PLSCR2: variants seen among roughly 807,000 people sequenced by gnomAD.
PLSCR2 encodes the protein phospholipid scramblase 2, also known as PL scramblase 2.
PLSCR2 carries 18 observed loss-of-function variants against 25.3 expected under a neutral mutation model. The observed-to-expected ratio is 0.71, with a 90% CI of 0.49 to 1.06. The LOEUF is 1.06. Among genes scored for constraint, PLSCR2 ranks in the 50% least tolerant of loss-of-function variants. The pLI is 0.00. For missense variants in PLSCR2, 243 were observed against 269.5 expected (o/e 0.90, Z 0.69); for synonymous variants, 88 against 87.3 (o/e 1.01, Z -0.04).
chr3:146,447,991 A>G (rs969440147), intron 6 of PLSCR2, among the ~76,000 whole-genome samples: 1 of 152,134 alleles, frequency 6.6e-6, no homozygotes, highest in Admixed American at 6.5e-5. Context: ...AAGTCCCACA[A>G]TCACTGTGTT....
chr3:146,453,340 T>A (rs2041009132), intron 5 of PLSCR2, among the ~76,000 whole-genome samples: 1 of 152,086 alleles, frequency 6.6e-6, no homozygotes, highest in African/African-American at 2.4e-5. Flanking sequence ...GAAATCAAGA[T>A]TAAGTTATAA....
chr3:146,477,302 C>A (rs1194317152), intron 1 of PLSCR2, among the ~76,000 whole-genome samples: 1 of 152,174 alleles, frequency 6.6e-6, no homozygotes, highest in East Asian at 1.9e-4. Flanking sequence ...CTGGGAAGTG[C>A]AAAGGGTGGG....
chr3:146,435,041 T>G (rs2039759829), intron 8 of PLSCR2, among the ~76,000 whole-genome samples: 1 of 151,546 alleles, frequency 6.6e-6, no homozygotes, highest in Non-Finnish European at 1.5e-5. Context: ...CTGTCCTTGC[T>G]ATAGTTTACT....
chr3:146,467,531 C>T (rs910585269), intron 1 of PLSCR2, among the ~76,000 whole-genome samples: 4 of 151,900 alleles, frequency 2.6e-5, no homozygotes, highest in Admixed American at 2.0e-4. Flanking sequence ...AGGCACTGTA[C>T]AGGCACTAAA....
intron 1 of PLSCR2, among the ~76,000 whole-genome samples, chr3:146,483,425 CTTA>C (rs1560054502): frequency 1.1e-4 from 11 of 100,690 alleles, no homozygotes; most frequent in African/African-American, 4.1e-4. Context: ...AGAACTTAAA[CTTA>C]ATATATATAT....
chr3:146,432,843 CATAAGT>C (rs1234103979), downstream of PLSCR2, among the ~76,000 whole-genome samples: 2 of 152,092 alleles, frequency 1.3e-5, no homozygotes, highest in Non-Finnish European at 2.9e-5. Flanking sequence ...GAAAAATAAT[CATAAGT>C]ATGTCATTTT....
intron 2 of PLSCR2, among the ~76,000 whole-genome samples, chr3:146,423,282 T>TCTCTCTCTCTCTCTCTCTCCCC (rs758576585): frequency 9.9e-6 from 1 of 100,962 alleles, no homozygotes; most frequent in Non-Finnish European, 2.0e-5. Flanking sequence ...TCTCTCTCTC[T>TCTCTCTCTCTCTCTCTCTCCCC]CCCTGGCTAG....
At chr3:146,417,292 T>C (rs2039028389) in intron 2 of PLSCR2, among the ~76,000 whole-genome samples, 1 of 152,162 alleles carries the variant, frequency 6.6e-6, no homozygotes, top group Non-Finnish European at 1.5e-5. Flanking sequence ...CATTATTTTG[T>C]GGCAAATATT....
chr3:146,393,027 C>CT (rs1296969192), intron 3 of PLSCR2, among the ~76,000 whole-genome samples: 30,553 of 104,314 alleles, frequency 0.29, 6,078 homozygotes, highest in Non-Finnish European at 0.34. Flanking sequence ...ATTTACATTC[C>CT]TTTTTTTTTT....
intron 3 of PLSCR2, among the ~76,000 whole-genome samples, chr3:146,392,353 T>G (rs2038107636): frequency 6.6e-6 from 1 of 152,088 alleles, no homozygotes. Context: ...TGAGCATACA[T>G]CATTAGAAAT....
chr3:146,495,700 G>C (rs2043722121), intron 1 of PLSCR2, among the ~76,000 whole-genome samples: 1 of 152,170 alleles, frequency 6.6e-6, no homozygotes, highest in African/African-American at 2.4e-5. Flanking sequence ...ACCAGTTTCT[G>C]TTATTATAAG....
At chr3:146,451,361 C>T (rs1011391951) in intron 5 of PLSCR2, among the ~76,000 whole-genome samples, 4 of 151,930 alleles carry the variant, frequency 2.6e-5, no homozygotes, top group South Asian at 2.1e-4. Context: ...GTGATCCGCC[C>T]GCCTCGGCCT....
chr3:146,460,230 T>C, exon 1 of PLSCR2: 1 of 1,382,006 alleles, frequency 7.2e-7, no homozygotes, highest in Non-Finnish European at 9.3e-7. Context: ...TCTTCAGATA[T>C]GTTTTAATGA....
At chr3:146,466,772 A>C (rs1030460436) in intron 1 of PLSCR2, among the ~76,000 whole-genome samples, 1 of 152,220 alleles carries the variant, frequency 6.6e-6, no homozygotes, top group African/African-American at 2.4e-5. Context: ...AACTAGCTGA[A>C]TTGAAATTAT....
rs374931946 is a variant in PLSCR2, at chr3:146,410,916, C to T, written c.101-14995G>A. Among the ~76,000 whole-genome samples, 59 of 152,256 alleles carry T rather than the reference C, an allele frequency of 3.9e-4. 2 individuals carry two copies. The South Asian group carries it at 0.012, about 30-fold the overall frequency. On this transcript the variant is annotated intron_variant and NMD_transcript_variant, in intron 2 of 3. Transcript: ENST00000463633. The stretch of plus-strand genomic sequence containing the variant: ...GTATAAACCCCCGGCTCAGATCAAG[C>T]TATGCCCGATGCTGCCTTAAGCCTT...
chr3:146,489,246 G>C (rs1337622946), intron 1 of PLSCR2, among the ~76,000 whole-genome samples: 1 of 152,060 alleles, frequency 6.6e-6, no homozygotes. Flanking sequence ...CTTGATGGTT[G>C]CAGCAAACCA....
intron 1 of PLSCR2, chr3:146,495,112 G>T (rs2043700021): frequency 6.6e-6 from 1 of 152,154 alleles, no homozygotes; most frequent in South Asian, 2.1e-4. Flanking sequence ...TAGGAGAGAA[G>T]AGGTTCATTC....
At chr3:146,423,510 C>T (rs1328992081) in intron 2 of PLSCR2, among the ~76,000 whole-genome samples, 1 of 151,586 alleles carries the variant, frequency 6.6e-6, no homozygotes, top group African/African-American at 2.4e-5. Context: ...TCATTTGGTC[C>T]ACACAAAAAA....
upstream of PLSCR2, chr3:146,464,007 A>G: frequency 1.0e-6 from 1 of 980,212 alleles, no homozygotes; most frequent in Non-Finnish European, 1.2e-6. Flanking sequence ...GAAATAAATC[A>G]AAAGATGTAT....
Sources: gnomAD v4.1 joint callset for allele counts (sites outside exome capture counted in the v4.1 genomes callset) on GRCh38, gnomAD v4.1.1 for gene constraint, MANE v1.5 for transcripts, NCBI Gene and HGNC (gene_info 2026-07-23, HGNC 2026-07-21) for gene names.